Variants in NOM1 observed in about 807,000 individuals in gnomAD.
The protein encoded by NOM1 is nucleolar MIF4G domain-containing protein 1.
NOM1 carries 58 observed loss-of-function variants against 73.3 expected under a neutral mutation model. That is an observed-to-expected ratio of 0.79 (90% CI 0.64 to 0.99). The LOEUF (loss-of-function observed/expected upper bound fraction) is 0.99, where lower values mean the gene tolerates loss of function less well. Ranked by LOEUF, NOM1 falls within the 50% of genes least tolerant of loss-of-function variation. The pLI is 0.00. For synonymous variants in NOM1, 487 were observed against 446.8 expected, an observed-to-expected ratio of 1.09 and a Z score of -1.14; for missense variants, 1,226 against 1,131.9, an observed-to-expected ratio of 1.08 and a Z score of -1.19.
rs1805162464 is a variant in NOM1 at position 156,972,446 on chromosome 7, C to G, written c.*2743C>G. 1 of 127,230 alleles carries G rather than the reference C, an allele frequency of 7.9e-6. No homozygotes were observed. The highest frequency in any genetic ancestry group is 2.4e-4 in the South Asian group (1 of 4,098). The allele number at this position is 127,230 out of a possible 1,614,324, so 7.9% of individuals were successfully genotyped here. Reference sequence around the variant, plus strand: ...TATTTTATTATTAAAACAAAAATACCTCTCTTTGCTAGAGAGTTATATGTA... The same window carrying G: ...TATTTTATTATTAAAACAAAAATACGTCTCTTTGCTAGAGAGTTATATGTA... On this transcript the variant is annotated 3_prime_UTR_variant, in exon 11 of 11. Coordinates refer to ENST00000275820, the MANE Select transcript of NOM1 (RefSeq NM_138400.2).
intron 8 of NOM1, 26 bp from the exon 9 acceptor site, chr7:156,966,935 T>C (rs1401225429): frequency 1.3e-6 from 2 of 1,590,716 alleles, no homozygotes; most frequent in Admixed American, 3.7e-5. Flanking sequence ...CGTTTGCCTT[T>C]TTTCTCCTTT....
intron 2 of NOM1, 30 bp downstream of exon 2, chr7:156,952,628 A>G: frequency 3.8e-6 from 6 of 1,598,014 alleles, no homozygotes; most frequent in Non-Finnish European, 5.1e-6. Context: ...ACACTGTGTC[A>G]CTTAGAGAGG....
At chr7:156,951,951 C>T (rs1303083166) in intron 1 of NOM1, among the ~76,000 whole-genome samples, 2 of 152,166 alleles carry the variant, frequency 1.3e-5, no homozygotes, top group African/African-American at 4.8e-5. Context: ...CGTGATCCGC[C>T]CGCCTCAGCG....
chr7:156,964,683 A>T (rs1377027064), intron 7 of NOM1, among the ~76,000 whole-genome samples: 1 of 152,198 alleles, frequency 6.6e-6, no homozygotes, highest in Non-Finnish European at 1.5e-5. Flanking sequence ...TCAAACTAGG[A>T]TGAAATACAG....
chr7:156,950,875 CTTCT>C, intron 1 of NOM1, 151 bp downstream of exon 1: 1 of 709,582 alleles, frequency 1.4e-6, no homozygotes. Flanking sequence ...TCTATTCGGT[CTTCT>C]TTCATGTTTT....
At position 156,969,561 on chromosome 7, in the gene NOM1, G is replaced by C. The variant is rs745759785; in HGVS notation, c.2441G>C (p.Arg814Pro). 6 of 1,613,876 alleles carry C rather than the reference G, an allele frequency of 3.7e-6. No individual in the cohort carries two copies. The highest frequency in any genetic ancestry group is 2.2e-5 in the East Asian group (1 of 44,866). The stretch of plus-strand genomic sequence containing the variant: ...GACAACCCAAAGCTGGGGGTGTTAC[G>C]TGAGGGTTTGAAGCTTTTCATCAGC... ...VSDNPKLGVL[R>P]EGLKLFISHF... Residue 814 changes from arginine (R) to proline (P), a missense_variant, in exon 11 of 11, where the codon CGT (arginine) becomes CCT (proline). Arg to Pro is a moderately radical substitution (Grantham distance 103). Transcript: ENST00000275820.
chr7:156,965,801 C>T (rs1804980755), intron 7 of NOM1, among the ~76,000 whole-genome samples: 1 of 150,942 alleles, frequency 6.6e-6, no homozygotes, highest in East Asian at 1.9e-4. Flanking sequence ...TGTAATCCAG[C>T]TACTCGGGAG....
rs565949584 is a variant in NOM1, at chr7:156,968,330, C to T, written c.2299-757C>T. On this transcript the variant is annotated intron_variant, in intron 9 of 10. Coordinates refer to ENST00000275820, the MANE Select transcript of NOM1 (RefSeq NM_138400.2). ...GGCGTAGAGCTTTAGAGATGCCCCCCGCCCTGCCCCTCCGGGCTGCTCTCA... is the reference window on the plus strand; with the variant it reads ...GGCGTAGAGCTTTAGAGATGCCCCCTGCCCTGCCCCTCCGGGCTGCTCTCA... 1.7e-4 allele frequency among the ~76,000 whole-genome samples: 26 copies of T among 152,264 alleles called. No individual in the cohort carries two copies. The South Asian group carries it at 3.9e-3, about 23-fold the overall frequency.
chr7:156,969,626 G>A lies in NOM1; in HGVS notation c.2506G>A (p.Asp836Asn), dbSNP rs761351966. The A allele has an allele frequency of 5.6e-6, 9 of 1,613,908 alleles. No homozygotes were observed. The highest frequency in any genetic ancestry group is 2.2e-5 in the South Asian group (2 of 91,066). ...LKNAQAHRSA[D>N]EANVLREKAD... is the part of the protein sequence containing the mutation. ...GAACGCACAGGCCCACAGAAGCGCCGACGAAGCCAACGTGCTGAGAGAGAA... is the reference window on the plus strand; with the variant it reads ...GAACGCACAGGCCCACAGAAGCGCCAACGAAGCCAACGTGCTGAGAGAGAA... Residue 836 changes from aspartate (D) to asparagine (N), a missense_variant, in exon 11 of 11, where the codon GAC becomes AAC. Transcript: ENST00000275820.
rs139889366 is a variant in NOM1, at chr7:156,959,981, C to G, written c.1439C>G (p.Ser480Cys). The G allele has an allele frequency of 1.9e-6, 3 of 1,614,024 alleles. No homozygotes were observed. The African/African-American group carries it at 4.0e-5, about 22-fold the overall frequency. Residue 480 changes from serine (S) to cysteine (C), a missense_variant, in exon 4 of 11, where the codon TCT becomes TGT. By Grantham distance (112) the Ser-to-Cys change is moderately radical. Transcript: ENST00000275820. ...AHLYNFHVVQ[S>C]LLIFDILKKL... is the part of the protein sequence containing the mutation. ...TTATACAACTTCCACGTGGTACAGT[C>G]TCTCCTCATCTTCGACATTTTGAAA...
At chr7:156,966,024 C>T (rs780448544) in intron 7 of NOM1, 30 of 516,810 alleles carry the variant, frequency 5.8e-5, no homozygotes, top group Admixed American at 1.4e-4. Context: ...ACTTTTGCAG[C>T]GACGGGGGAC....
Position 156,952,658 on chromosome 7 carries a change from T to C in NOM1, c.1112+60T>C, listed in dbSNP as rs530700411. ...GAGAGGTTGTCTGTTTCCTAAAATG[T>C]AGGAATTATCCCAGCAATTCAAATA... On this transcript the variant is annotated intron_variant, in intron 2 of 10. Transcript: ENST00000275820. 9 of 1,555,544 alleles carry C rather than the reference T, an allele frequency of 5.8e-6. No homozygotes were observed. In the South Asian group the frequency reaches 1.1e-4, roughly 18 times the overall value.
intron 3 of NOM1, among the ~76,000 whole-genome samples, chr7:156,956,905 T>C (rs115278478): frequency 0.01 from 1,547 of 152,286 alleles, 25 homozygotes; most frequent in African/African-American, 0.035. Flanking sequence ...CCTGTCCTCC[T>C]AGAGGACACT....
In NOM1 at chr7:156,973,160, T is replaced by G. The variant is rs1445063235; in HGVS notation, c.*3457T>G. The G allele has an allele frequency of 6.6e-6, 1 of 152,162 alleles. No individual in the cohort carries two copies. The highest frequency in any genetic ancestry group is 1.5e-5 in the Non-Finnish European group (1 of 68,016). The allele number at this position is 152,162 out of a possible 1,614,324, so 9.4% of individuals were successfully genotyped here. A position where few individuals can be genotyped will look rare whatever the true frequency, so the allele number is the denominator to read the frequency against. ...ATGTATTGAAATGCATAAATAAAAT[T>G]TATTTTTTATATTTTGTTTAGAGTA... On this transcript the variant is annotated 3_prime_UTR_variant, in exon 11 of 11. Coordinates refer to ENST00000275820, the MANE Select transcript of NOM1 (RefSeq NM_138400.2).
At chr7:156,960,813 A>G (rs1457486589) in intron 4 of NOM1, among the ~76,000 whole-genome samples, 1 of 152,182 alleles carries the variant, frequency 6.6e-6, no homozygotes, top group Non-Finnish European at 1.5e-5. Context: ...AGAAAGAGGC[A>G]TGAGGTGGTC....
intron 1 of NOM1, 41 bp from the exon 2 acceptor site, chr7:156,952,433 T>C: frequency 6.3e-7 from 1 of 1,589,236 alleles, no homozygotes; most frequent in Non-Finnish European, 8.5e-7. Context: ...CAGGATTTGG[T>C]CAGTGTAAAT....
At chr7:156,960,229 C>T (rs987833190) in intron 4 of NOM1, 55 bp downstream of exon 4, 2 of 1,439,986 alleles carry the variant, frequency 1.4e-6, no homozygotes, top group Non-Finnish European at 1.9e-6. Context: ...ACAAACTGGC[C>T]AGAACCTAAA....
chr7:156,962,765 C>T (rs1166598003), intron 5 of NOM1, among the ~76,000 whole-genome samples: 1 of 152,196 alleles, frequency 6.6e-6, no homozygotes, highest in East Asian at 1.9e-4. Context: ...CTGTTACTCT[C>T]TCCTGTTGGG....
At chr7:156,966,226 T>C (rs369382233) in intron 7 of NOM1, 44 bp from the exon 8 acceptor site, 33 of 1,607,992 alleles carry the variant, frequency 2.1e-5, no homozygotes, top group Admixed American at 1.0e-4. Flanking sequence ...CATTAAACTT[T>C]GGAAGTCGAG....
Sources: allele counts gnomAD v4.1 joint callset (sites outside exome capture counted in the v4.1 genomes callset), GRCh38; gene constraint gnomAD v4.1.1; transcripts MANE v1.5; gene names NCBI Gene and HGNC (gene_info 2026-07-23, HGNC 2026-07-21).